The following PLEKHS1 variants were observed in gnomAD, a reference collection of about 807,000 sequenced individuals.
PLEKHS1 encodes the protein pleckstrin homology domain containing S1.
PLEKHS1 carries 55 observed loss-of-function variants against 51.0 expected under a neutral mutation model. The observed-to-expected ratio is 1.08, with a 90% CI of 0.87 to 1.35. The LOEUF (loss-of-function observed/expected upper bound fraction) is 1.35. Ranked by LOEUF, PLEKHS1 falls within the 40% of genes most tolerant of loss-of-function variation. PLEKHS1 has a pLI of 0.00. For missense variants in PLEKHS1, 398 were observed against 423.0 expected (o/e 0.94, Z 0.52); for synonymous variants, 153 against 144.8 (o/e 1.06, Z -0.41).
At chr10:113,777,707 TA>T in intron 11 of PLEKHS1, 1 of 1,517,940 alleles carries the variant, frequency 6.6e-7, no homozygotes, top group Non-Finnish European at 8.8e-7. Context: ...AGCTACTAGT[TA>T]CTTTTACTTC....
At chr10:113,775,072 G>C in intron 10 of PLEKHS1, 37 bp downstream of exon 10, 1 of 1,546,010 alleles carries the variant, frequency 6.5e-7, no homozygotes, top group Non-Finnish European at 8.9e-7. Flanking sequence ...TGGGCCCTAA[G>C]AGCAAGGCAG....
At chr10:113,767,431 T>G (rs764017214) in exon 5 of PLEKHS1, 3 of 1,613,430 alleles carry the variant, frequency 1.9e-6, no homozygotes, top group Admixed American at 3.3e-5. Context: ...GATGAGGTCA[T>G]GTCCATCAGA....
chr10:113,774,429 C>A, intron 9 of PLEKHS1, 96 bp downstream of exon 9: 1 of 727,560 alleles, frequency 1.4e-6, no homozygotes, highest in Non-Finnish European at 2.3e-6. Flanking sequence ...AAACTGATGC[C>A]AAACATTACC....
intron 11 of PLEKHS1, 149 bp downstream of exon 11, chr10:113,776,015 A>G: frequency 1.8e-6 from 1 of 548,554 alleles, no homozygotes; most frequent in Non-Finnish European, 3.1e-6. Flanking sequence ...TTACAAAAAA[A>G]TCTTTGAGGC....
chr10:113,774,127 T>G, intron 8 of PLEKHS1, 100 bp from the exon 9 acceptor site: 1 of 686,200 alleles, frequency 1.5e-6, no homozygotes, highest in Non-Finnish European at 2.5e-6. Context: ...CTGGAAACTG[T>G]ACCTCTATGT....
At chr10:113,780,709 G>A in exon 12 of PLEKHS1, 4 of 1,611,016 alleles carry the variant, frequency 2.5e-6, no homozygotes, top group Non-Finnish European at 3.4e-6. Context: ...AGCTGGATAA[G>A]CCTAGACTGA....
chr10:113,770,441 C>G (rs550356470), intron 7 of PLEKHS1, among the ~76,000 whole-genome samples: 2 of 152,268 alleles, frequency 1.3e-5, no homozygotes, highest in African/African-American at 4.8e-5. Flanking sequence ...GTAATTGGAC[C>G]TTCAGCTTTC....
At chr10:113,762,365 C>CTTTTTTTTTTTTTTTTTTTTTCCT (rs1843977957) in intron 2 of PLEKHS1, among the ~76,000 whole-genome samples, 2 of 61,772 alleles carry the variant, frequency 3.2e-5, no homozygotes, top group Non-Finnish European at 6.0e-5. Context: ...AGATTTGTTC[C>CTTTTTTTTTTTTTTTTTTTTTCCT]TTTTTTTTTT....
At chr10:113,757,273 A>G (rs1854164920) in intron 2 of PLEKHS1, among the ~76,000 whole-genome samples, 1 of 152,226 alleles carries the variant, frequency 6.6e-6, no homozygotes, top group South Asian at 2.1e-4. Flanking sequence ...ACAATAAGCT[A>G]TTATATATCT....
At chr10:113,777,084 G>A in intron 11 of PLEKHS1, 40 bp from the exon 12 acceptor site, 1 of 1,606,564 alleles carries the variant, frequency 6.2e-7, no homozygotes, top group Non-Finnish European at 8.5e-7. Flanking sequence ...CTGGCCAGCT[G>A]AGCCTCACAC....
chr10:113,776,286 TA>T (rs919781272), intron 11 of PLEKHS1, among the ~76,000 whole-genome samples: 5 of 150,310 alleles, frequency 3.3e-5, no homozygotes, highest in Admixed American at 6.6e-5. Flanking sequence ...GACACAAGGT[TA>T]AAAAAAAACA....
At chr10:113,778,012 A>G (rs1444173451) in intron 11 of PLEKHS1, 6 of 293,164 alleles carry the variant, frequency 2.0e-5, no homozygotes, top group Non-Finnish European at 2.0e-5. Context: ...ACAACAGACC[A>G]CCCCTAATAT....
chr10:113,761,073 T>C (rs1308346996), intron 2 of PLEKHS1, among the ~76,000 whole-genome samples: 3 of 152,172 alleles, frequency 2.0e-5, no homozygotes, highest in Non-Finnish European at 2.9e-5. Flanking sequence ...TCTCTCCCCA[T>C]TGAATGGCCG....
intron 2 of PLEKHS1, among the ~76,000 whole-genome samples, chr10:113,761,133 G>A (rs977091742): frequency 6.6e-6 from 1 of 152,070 alleles, no homozygotes; most frequent in Admixed American, 6.6e-5. Flanking sequence ...CTATTCCATT[G>A]GCCTATGTGT....
Position 113,774,225 on chromosome 10 carries a change from A to T in PLEKHS1, c.673-2A>T. ...TCTTACATCTATTCCTTTTATCTGC[A>T]GTTGGATAATATCATTGCTTCCAGT... On this transcript the variant is annotated splice_acceptor_variant, in intron 8 of 11. Coordinates refer to ENST00000361048, the Ensembl canonical transcript of PLEKHS1. LOFTEE classifies it high-confidence loss of function. 6.4e-7 allele frequency: 1 copy of T among 1,565,662 alleles called. No homozygotes were observed. Among genetic ancestry groups the T allele is most frequent in the Non-Finnish European group, 8.7e-7 (1 of 1,144,630 alleles).
At chr10:113,777,145 C>G in intron 11 of PLEKHS1, 1 of 1,612,726 alleles carries the variant, frequency 6.2e-7, no homozygotes, top group Non-Finnish European at 8.5e-7. Flanking sequence ...GGGAAGGCCC[C>G]CCACGTTTGG....
chr10:113,780,481 C>T (rs1258272504), intron 11 of PLEKHS1, 121 bp from the exon 13 acceptor site: 2 of 896,724 alleles, frequency 2.2e-6, no homozygotes, highest in African/African-American at 3.3e-5. Flanking sequence ...CCAGATATTA[C>T]AGTTCACTGC....
In PLEKHS1 at chr10:113,757,056, G is replaced by T. The variant is rs72835700; in HGVS notation, c.28+1751G>T. On this transcript the variant is annotated intron_variant, in intron 2 of 11. Coordinates refer to ENST00000361048, the Ensembl canonical transcript of PLEKHS1. ...TCAGCCTCCCGAGTAGCTAGGAGGC[G>T]CCTGCCACCATGCCTGGCTCATTTT... 2.3e-3 allele frequency among the ~76,000 whole-genome samples: 350 copies of T among 151,800 alleles called. 1 individual carries two copies. Among genetic ancestry groups the T allele is most frequent in the Non-Finnish European group, 4.0e-3 (269 of 67,928 alleles).
intron 2 of PLEKHS1, among the ~76,000 whole-genome samples, chr10:113,756,469 AAAAT>A (rs1434654868): frequency 6.6e-6 from 1 of 152,206 alleles, no homozygotes; most frequent in Non-Finnish European, 1.5e-5. Flanking sequence ...TCAAAAAAAT[AAAAT>A]AAATTCTTGT....
Sources: gnomAD v4.1 joint callset for allele counts (sites outside exome capture counted in the v4.1 genomes callset) on GRCh38, gnomAD v4.1.1 for gene constraint, MANE v1.5 for transcripts, NCBI Gene and HGNC (gene_info 2026-07-23, HGNC 2026-07-21) for gene names.